NXPH1: variants seen among roughly 807,000 people sequenced by gnomAD.
NXPH1 encodes the protein neurexophilin 1.
In NXPH1, 5 loss-of-function variants were observed where a neutral mutation model predicts 23.7. The ratio of observed to expected loss-of-function variants is 0.21; its 90% CI spans 0.11 to 0.44. NXPH1 has a LOEUF of 0.44. Ranked by LOEUF, NXPH1 falls within the 20% of genes least tolerant of loss-of-function variation. NXPH1 has a pLI of 0.99. For synonymous variants in NXPH1, 144 were observed against 122.2 expected, an observed-to-expected ratio of 1.18 and a Z score of -1.18; for missense variants, 324 against 321.6, an observed-to-expected ratio of 1.01 and a Z score of -0.06.
intron 2 of NXPH1, among the ~76,000 whole-genome samples, chr7:8,540,171 G>C (rs1167753036): frequency 1.3e-5 from 2 of 151,690 alleles, no homozygotes; most frequent in Non-Finnish European, 2.9e-5. Flanking sequence ...AATCACCTGG[G>C]AAATTTCAGA....
intron 2 of NXPH1, among the ~76,000 whole-genome samples, chr7:8,580,074 C>T (rs1818835997): frequency 1.3e-5 from 2 of 152,208 alleles, no homozygotes; most frequent in African/African-American, 4.8e-5. Context: ...TGGGCAGTGG[C>T]TGTTAGTTAA....
chr7:8,530,424 G>A (rs1817933152), intron 2 of NXPH1, among the ~76,000 whole-genome samples: 1 of 152,164 alleles, frequency 6.6e-6, no homozygotes, highest in Admixed American at 6.5e-5. Context: ...AGTCCCATTT[G>A]TGAATGAAGG....
chr7:8,438,646 T>C (rs1816240434), intron 2 of NXPH1, among the ~76,000 whole-genome samples: 2 of 152,196 alleles, frequency 1.3e-5, no homozygotes, highest in Non-Finnish European at 2.9e-5. Flanking sequence ...CCTAAAGAAA[T>C]ATTTAGGCTT....
chr7:8,558,922 ATT>A (rs2128620484), intron 2 of NXPH1, among the ~76,000 whole-genome samples: 3 of 116,242 alleles, frequency 2.6e-5, no homozygotes, highest in African/African-American at 1.4e-4. Flanking sequence ...GCAGGAAAAA[ATT>A]AAAAACAATA....
chr7:8,457,350 A>C (rs1447463159), intron 2 of NXPH1, among the ~76,000 whole-genome samples: 2 of 152,166 alleles, frequency 1.3e-5, no homozygotes, highest in East Asian at 3.9e-4. Context: ...CCAGAGATGC[A>C]ATCTGTGGCT....
At chr7:8,461,781 G>C (rs1440025904) in intron 2 of NXPH1, among the ~76,000 whole-genome samples, 2 of 141,468 alleles carry the variant, frequency 1.4e-5, no homozygotes, top group Admixed American at 1.4e-4. Context: ...AGTGAGCTGA[G>C]ATCGCGCCAC....
rs763245914 is a variant in NXPH1 at position 8,637,680 on chromosome 7, C to T, written c.55-113328C>T. On this transcript the variant is annotated intron_variant, in intron 2 of 2. Transcript: ENST00000405863. ...TTTTGATTCAGAAATAAATTTTAGG[C>T]TTTGAGCTACTTTGGCCTTTATTAA... is the stretch of plus-strand genomic sequence containing the variant. Among the ~76,000 whole-genome samples, 4 of 152,250 alleles carry T rather than the reference C, an allele frequency of 2.6e-5. No homozygotes were observed. In the East Asian group the frequency reaches 7.7e-4, roughly 29 times the overall value.
At chr7:8,516,704 C>G (rs1292359208) in intron 2 of NXPH1, among the ~76,000 whole-genome samples, 1 of 152,108 alleles carries the variant, frequency 6.6e-6, no homozygotes, top group African/African-American at 2.4e-5. Context: ...AGGTAGAACT[C>G]TGGAGCCTTT....
At chr7:8,549,770 G>A (rs1406204864) in intron 2 of NXPH1, among the ~76,000 whole-genome samples, 1 of 151,502 alleles carries the variant, frequency 6.6e-6, no homozygotes, top group African/African-American at 2.4e-5. Flanking sequence ...TTTTACAGAG[G>A]AGGAAATAAA....
At chr7:8,641,604 T>C (rs10257265) in intron 2 of NXPH1, among the ~76,000 whole-genome samples, 49,778 of 151,954 alleles carry the variant, frequency 0.33, 8,589 homozygotes, top group African/African-American at 0.43. Context: ...TATGCTTTGT[T>C]GGTTTCCTTT....
At chr7:8,677,506 A>G (rs1278106390) in intron 2 of NXPH1, among the ~76,000 whole-genome samples, 1 of 152,214 alleles carries the variant, frequency 6.6e-6, no homozygotes, top group Non-Finnish European at 1.5e-5. Context: ...GACAGATGCC[A>G]GCCACAGACA....
At chr7:8,660,937 C>T (rs1339886272) in intron 2 of NXPH1, among the ~76,000 whole-genome samples, 1 of 149,522 alleles carries the variant, frequency 6.7e-6, no homozygotes, top group East Asian at 2.0e-4. Flanking sequence ...AATCAGAGGA[C>T]ATAATTTTTA....
At chr7:8,746,846 G>A (rs1004148645) in intron 2 of NXPH1, among the ~76,000 whole-genome samples, 6 of 144,348 alleles carry the variant, frequency 4.2e-5, no homozygotes, top group South Asian at 2.3e-4. Context: ...CTTCTCCCCC[G>A]CTTTCCCCCA....
intron 2 of NXPH1, among the ~76,000 whole-genome samples, chr7:8,461,876 G>C (rs909906435): frequency 6.9e-6 from 1 of 144,732 alleles, no homozygotes; most frequent in Admixed American, 6.9e-5. Context: ...GTGCATACAT[G>C]CACACCTACA....
chr7:8,467,272 G>C (rs769691359), intron 2 of NXPH1, among the ~76,000 whole-genome samples: 8 of 152,122 alleles, frequency 5.3e-5, no homozygotes, highest in Non-Finnish European at 8.8e-5. Context: ...ATAGATCTAT[G>C]AAAGGGTATT....
intron 2 of NXPH1, among the ~76,000 whole-genome samples, chr7:8,493,372 A>G (rs938967632): frequency 1.3e-5 from 2 of 152,066 alleles, no homozygotes; most frequent in African/African-American, 4.8e-5. Context: ...CTTCGCTGGC[A>G]TAGAAAATGG....
intron 2 of NXPH1, among the ~76,000 whole-genome samples, chr7:8,658,406 T>C (rs561228986): frequency 6.6e-6 from 1 of 152,312 alleles, no homozygotes; most frequent in Non-Finnish European, 1.5e-5. Flanking sequence ...TTTCTTAAGT[T>C]TCCCTTGGTT....
chr7:8,528,050 C>G (rs951065647), intron 2 of NXPH1, among the ~76,000 whole-genome samples: 2 of 152,204 alleles, frequency 1.3e-5, no homozygotes, highest in African/African-American at 4.8e-5. Flanking sequence ...ACGGGTGGTT[C>G]TTTGACCTAG....
chr7:8,447,178 C>T (rs1263136864), intron 2 of NXPH1, among the ~76,000 whole-genome samples: 1 of 152,202 alleles, frequency 6.6e-6, no homozygotes, highest in African/African-American at 2.4e-5. Context: ...GTTGTTGGAA[C>T]AGCTGTGGTG....
Sources: gnomAD v4.1 joint callset for allele counts (sites outside exome capture counted in the v4.1 genomes callset) on GRCh38, gnomAD v4.1.1 for gene constraint, MANE v1.5 for transcripts, NCBI Gene and HGNC (gene_info 2026-07-23, HGNC 2026-07-21) for gene names.